Variants in VEZT observed in about 807,000 individuals in gnomAD.
VEZT encodes vezatin, adherens junctions transmembrane protein, also known as vezatin.
A neutral mutation model predicts 79.9 loss-of-function variants in VEZT; 39 were observed. That is an observed-to-expected ratio of 0.49 (90% confidence interval 0.38 to 0.64). The LOEUF is 0.64. Ranked by LOEUF, VEZT falls within the 30% of genes least tolerant of loss-of-function variation. The pLI, the probability that VEZT is intolerant of heterozygous loss-of-function variation, is 0.00. For missense variants in VEZT, 837 were observed against 893.1 expected (o/e 0.94, Z 0.80); for synonymous variants, 325 against 327.6 (o/e 0.99, Z 0.09).
At chr12:95,278,041 C>T (rs188521272) in intron 7 of VEZT, among the ~76,000 whole-genome samples, 3 of 152,170 alleles carry the variant, frequency 2.0e-5, no homozygotes, top group Non-Finnish European at 4.4e-5. Context: ...TCAGATTTTC[C>T]AGGTTTCACT....
chr12:95,289,097 T>TAAAAAAAA (rs1169321066), intron 9 of VEZT, among the ~76,000 whole-genome samples: 6 of 116,520 alleles, frequency 5.1e-5, no homozygotes, highest in Non-Finnish European at 9.5e-5. Flanking sequence ...AAAAAATAAA[T>TAAAAAAAA]AAATAAATAA....
rs745314035 is a variant in VEZT at position 95,266,574 on chromosome 12, G to A, written c.652G>A (p.Val218Met). The A allele has an allele frequency of 5.0e-5, 81 of 1,613,602 alleles. 1 individual carries two copies. The South Asian group carries it at 7.5e-4, about 15-fold the overall frequency. The change falls in exon 5 of 12, where the codon GTG (valine) becomes ATG (methionine). Residue 218 changes from valine (V) to methionine (M), a missense_variant. Physicochemically the swap from Val to Met is conservative, Grantham distance 21. Coordinates refer to ENST00000436874, the MANE Select transcript of VEZT (RefSeq NM_017599.4). The stretch of plus-strand genomic sequence containing the variant: ...AAACAGCCGAGCTTTTACTAACCTC[G>A]TGAGAAAAGCTTTACGTCTCATTCA... ...ATNSRAFTNL[V>M]RKALRLIQET...
At chr12:95,278,702 G>T in intron 7 of VEZT, among the ~76,000 whole-genome samples, 1 of 152,184 alleles carries the variant, frequency 6.6e-6, no homozygotes, top group East Asian at 1.9e-4. Context: ...CCTTTAGAAA[G>T]AAAAGCAACC....
rs180821888 is a variant in VEZT at position 95,270,920 on chromosome 12, T to C, written c.848+732T>C. Among the ~76,000 whole-genome samples, 809 of 152,364 alleles carry C rather than the reference T, an allele frequency of 5.3e-3. 2 individuals are homozygous for C. Among genetic ancestry groups the C allele is most frequent in the Non-Finnish European group, 8.1e-3 (552 of 68,032 alleles). On this transcript the variant is annotated intron_variant, in intron 6 of 11. Transcript: ENST00000436874. ...ATAGATAAGTTAAATCCTGACTAAG[T>C]AGAAGGTAAAAAGACAACTTTGCCA... is the stretch of plus-strand genomic sequence containing the variant.
At chr12:95,234,121 T>C (rs1375819769) in intron 1 of VEZT, among the ~76,000 whole-genome samples, 1 of 152,214 alleles carries the variant, frequency 6.6e-6, no homozygotes, top group Non-Finnish European at 1.5e-5. Context: ...AAGTTTAACA[T>C]GTTTTCATTC....
intron 3 of VEZT, among the ~76,000 whole-genome samples, chr12:95,259,480 A>G (rs2064013941): frequency 6.6e-6 from 1 of 152,118 alleles, no homozygotes; most frequent in African/African-American, 2.4e-5. Context: ...CCTCATAACA[A>G]CCCTGTGAAG....
At chr12:95,269,070 G>A (rs995197425) in intron 5 of VEZT, among the ~76,000 whole-genome samples, 2 of 152,016 alleles carry the variant, frequency 1.3e-5, no homozygotes, top group African/African-American at 4.8e-5. Flanking sequence ...ATACATTTTA[G>A]TATGGTTTAA....
At chr12:95,252,842 G>A (rs1470876929) in intron 2 of VEZT, among the ~76,000 whole-genome samples, 1 of 152,204 alleles carries the variant, frequency 6.6e-6, no homozygotes, top group Non-Finnish European at 1.5e-5. Context: ...GCGGGCGCCT[G>A]TAATCCCAGC....
chr12:95,224,361 T>C, intron 1 of VEZT: 1 of 424,134 alleles, frequency 2.4e-6, no homozygotes, highest in Admixed American at 2.6e-5. Context: ...TTGCCTAGGC[T>C]GGAATGCAGT....
At chr12:95,296,022 A>G in intron 10 of VEZT, 29 bp from the exon 11 acceptor site, 2 of 1,469,482 alleles carry the variant, frequency 1.4e-6, no homozygotes, top group Non-Finnish European at 1.8e-6. Flanking sequence ...TGCTTCAAGT[A>G]AAGTGCTTTT....
At chr12:95,245,211 G>A (rs2061560331) in intron 1 of VEZT, among the ~76,000 whole-genome samples, 1 of 152,158 alleles carries the variant, frequency 6.6e-6, no homozygotes, top group Non-Finnish European at 1.5e-5. Context: ...TCCAGCCTGG[G>A]TGAAAGGGGG....
At chr12:95,234,768 A>G (rs1317636233) in intron 1 of VEZT, among the ~76,000 whole-genome samples, 2 of 152,144 alleles carry the variant, frequency 1.3e-5, no homozygotes, top group Non-Finnish European at 2.9e-5. Context: ...ACAAGTGAAC[A>G]AAGGTCTCTG....
intron 7 of VEZT, among the ~76,000 whole-genome samples, chr12:95,278,264 G>A (rs1431420082): frequency 6.6e-6 from 1 of 152,174 alleles, no homozygotes; most frequent in Non-Finnish European, 1.5e-5. Context: ...CTCTGTTGCT[G>A]TATCCCCATC....
chr12:95,299,589 T>A (rs2074904189), intron 11 of VEZT: 1 of 152,320 alleles, frequency 6.6e-6, no homozygotes, highest in African/African-American at 2.4e-5. Flanking sequence ...ATGTTGCATT[T>A]TTTTCCATGC....
At chr12:95,231,407 G>T (rs917170117) in intron 1 of VEZT, 2 of 152,060 alleles carry the variant, frequency 1.3e-5, no homozygotes, top group African/African-American at 4.8e-5. Context: ...CCAATTCAGT[G>T]GCCATTTTGT....
At chr12:95,272,400 A>T (rs947203812) in intron 6 of VEZT, among the ~76,000 whole-genome samples, 5 of 152,186 alleles carry the variant, frequency 3.3e-5, no homozygotes, top group African/African-American at 1.2e-4. Context: ...GAGTAGAAAG[A>T]TCTTGTGGCA....
At chr12:95,258,112 T>C (rs6538624) in intron 3 of VEZT, 327,812 of 383,952 alleles carry the variant, frequency 0.85, 140,745 homozygotes, top group African/African-American at 0.97. Flanking sequence ...TATTATTTTT[T>C]GGCTGACTAA....
intron 2 of VEZT, among the ~76,000 whole-genome samples, chr12:95,254,671 A>C (rs190701544): frequency 6.6e-6 from 1 of 152,150 alleles, no homozygotes; most frequent in South Asian, 2.1e-4. Context: ...GGGGAGAGCT[A>C]AATTTTAGAA....
chr12:95,259,379 T>C (rs1425929962), intron 3 of VEZT, among the ~76,000 whole-genome samples: 5 of 152,232 alleles, frequency 3.3e-5, no homozygotes, highest in Admixed American at 1.3e-4. Flanking sequence ...GTTTCAGTTA[T>C]TGCATAGATA....
Sources: allele counts gnomAD v4.1 joint callset (sites outside exome capture counted in the v4.1 genomes callset), GRCh38; gene constraint gnomAD v4.1.1; transcripts MANE v1.5; gene names NCBI Gene and HGNC (gene_info 2026-07-23, HGNC 2026-07-21).